DNAH7: variants seen among roughly 807,000 people sequenced by gnomAD.
DNAH7 encodes the protein axonemal beta dynein heavy chain 7.
DNAH7 carries 397 observed loss-of-function variants against 444.6 expected under a neutral mutation model. The observed-to-expected ratio is 0.89, with a 90% CI of 0.82 to 0.97. The LOEUF is 0.97. DNAH7 is among the 50% of genes least tolerant of loss of function. The pLI is 0.00. For synonymous variants in DNAH7, 1,636 were observed against 1,624.4 expected (o/e 1.01, Z -0.17); for missense variants, 4,902 against 4,800.8 (o/e 1.02, Z -0.62).
At position 195,965,779 on chromosome 2, in the gene DNAH7, A is replaced by T. The variant is rs539485863; in HGVS notation, c.2205+4169T>A. 3.8e-4 allele frequency among the ~76,000 whole-genome samples: 58 copies of T among 152,184 alleles called. No homozygotes were observed. The South Asian group carries it at 0.011, about 30-fold the overall frequency. On this transcript the variant is annotated intron_variant, in intron 17 of 64. Coordinates refer to ENST00000312428, the MANE Select transcript of DNAH7 (RefSeq NM_018897.3). ...CAGTTGCTCACAGTAGCCACTATTG[A>T]GCCTTAGAGTTTCTACAGAATTAGT...
chr2:195,930,018 T>C (rs184877617), intron 21 of DNAH7, among the ~76,000 whole-genome samples: 3 of 151,986 alleles, frequency 2.0e-5, no homozygotes, highest in East Asian at 1.9e-4. Context: ...ACTTAAACAA[T>C]TGAACAAGCA....
At chr2:195,989,342 C>A (rs997270277) in intron 12 of DNAH7, among the ~76,000 whole-genome samples, 5 of 152,250 alleles carry the variant, frequency 3.3e-5, no homozygotes, top group African/African-American at 1.2e-4. Context: ...ACATCCTTGT[C>A]AACACATCAT....
chr2:196,064,200 A>G (rs1698290220), intron 1 of DNAH7, among the ~76,000 whole-genome samples: 1 of 151,530 alleles, frequency 6.6e-6, no homozygotes, highest in Non-Finnish European at 1.5e-5. Flanking sequence ...CTGTAGTCCT[A>G]GCTACTCAGG....
intron 21 of DNAH7, among the ~76,000 whole-genome samples, chr2:195,930,006 G>C (rs1037341683): frequency 6.6e-6 from 1 of 152,094 alleles, no homozygotes; most frequent in Non-Finnish European, 1.5e-5. Context: ...ATTCTATAAG[G>C]AACTTAAACA....
chr2:195,770,575 C>T (rs1292746402), intron 61 of DNAH7, among the ~76,000 whole-genome samples: 1 of 152,120 alleles, frequency 6.6e-6, no homozygotes, highest in South Asian at 2.1e-4. Flanking sequence ...CATGGATTGC[C>T]CCTCAACGTA....
Position 195,809,775 on chromosome 2 carries a change from T to G in DNAH7, c.9858A>C (p.Leu3286=), listed in dbSNP as rs148529386. 2.2e-5 allele frequency: 35 copies of G among 1,598,574 alleles called. No homozygotes were observed. The highest frequency in any genetic ancestry group is 2.9e-5 in the Non-Finnish European group (34 of 1,171,950). The change falls in exon 52 of 65, where the codon CTA becomes CTC. Residue 3286 remains leucine (L), a synonymous_variant. Transcript: ENST00000312428. ...GCTCATGCAGCAGTAGATTTATGGT[T>G]AGACAAAAGGAAAAGAGCAGCTTAT... is the stretch of plus-strand genomic sequence containing the variant. ...EKDKLLFSFC[L]TINLLLHERA...
chr2:195,774,610 G>T (rs1376501514), intron 60 of DNAH7, among the ~76,000 whole-genome samples: 2 of 152,202 alleles, frequency 1.3e-5, no homozygotes, highest in Admixed American at 1.3e-4. Flanking sequence ...GCTTGGTTTT[G>T]AGTCCTGATT....
At position 195,853,480 on chromosome 2, in the gene DNAH7, C is replaced by T; in HGVS notation, c.8644G>A (p.Gly2882Ser). The T allele has an allele frequency of 6.2e-7, 1 of 1,613,982 alleles. No homozygotes were observed. The highest frequency in any genetic ancestry group is 8.5e-7 in the Non-Finnish European group (1 of 1,179,944). ...KLERAEQLIG[G>S]LGGEKTRWSH... ...CATCGAGTTTTCTCACCTCCAAGGCCTCCAATCAACTGTTCAGCTCGTTCT... is the reference window on the plus strand; with the variant it reads ...CATCGAGTTTTCTCACCTCCAAGGCTTCCAATCAACTGTTCAGCTCGTTCT... Residue 2882 changes from glycine to serine, a missense_variant, in exon 46 of 65, where the codon GGC (glycine) becomes AGC (serine). Coordinates refer to ENST00000312428, the MANE Select transcript of DNAH7 (RefSeq NM_018897.3).
chr2:196,048,272 A>G (rs1444289064), intron 4 of DNAH7, 24 bp downstream of exon 4: 1 of 1,561,956 alleles, frequency 6.4e-7, no homozygotes, highest in Non-Finnish European at 8.8e-7. Flanking sequence ...CCTTAAATCT[A>G]ATTTAGAATA....
intron 47 of DNAH7, among the ~76,000 whole-genome samples, chr2:195,835,231 T>G (rs567395891): frequency 1.6e-4 from 25 of 152,172 alleles, no homozygotes; most frequent in Non-Finnish European, 3.2e-4. Flanking sequence ...CTAAAGATAC[T>G]GCCACACCCT....
At position 195,834,498 on chromosome 2, in the gene DNAH7, T is replaced by C. The variant is rs567164389; in HGVS notation, c.8946-138A>G. 15 of 965,286 alleles carry C rather than the reference T, an allele frequency of 1.6e-5. No homozygotes were observed. In the East Asian group the frequency reaches 3.2e-4, roughly 21 times the overall value. 59.8% of individuals were successfully genotyped at this position (965,286 alleles called of 1,614,324 possible). A position where few individuals can be genotyped will look rare whatever the true frequency, so the allele number is the denominator to read the frequency against. On this transcript the variant is annotated intron_variant, in intron 47 of 64. Transcript: ENST00000312428. Reference sequence around the variant, plus strand: ...TTACTTTTTAACTTATGAGAAACTATGTTCTTAAAACAGAGACGTGTAGAT... The same window carrying C: ...TTACTTTTTAACTTATGAGAAACTACGTTCTTAAAACAGAGACGTGTAGAT...
intron 19 of DNAH7, among the ~76,000 whole-genome samples, chr2:195,945,340 C>T (rs753183051): frequency 1.3e-5 from 2 of 152,140 alleles, no homozygotes; most frequent in Non-Finnish European, 2.9e-5. Context: ...AGTTCAACAA[C>T]CCATCATGGT....
intron 2 of DNAH7, among the ~76,000 whole-genome samples, chr2:196,054,295 C>T (rs887859366): frequency 2.0e-5 from 3 of 152,066 alleles, no homozygotes; most frequent in Non-Finnish European, 4.4e-5. Flanking sequence ...CAAAGGGGAG[C>T]GGAGTGCTTG....
intron 10 of DNAH7, among the ~76,000 whole-genome samples, chr2:196,006,516 T>A (rs1309262130): frequency 5.3e-5 from 8 of 151,872 alleles, no homozygotes; most frequent in Admixed American, 5.2e-4. Flanking sequence ...CTGCTTCTAT[T>A]CAACATTGTA....
chr2:195,795,536 A>G (rs1279898372), intron 56 of DNAH7, among the ~76,000 whole-genome samples: 1 of 152,234 alleles, frequency 6.6e-6, no homozygotes, highest in Non-Finnish European at 1.5e-5. Flanking sequence ...TGCACCAATA[A>G]AAGTGAAAGA....
chr2:195,746,083 G>T (rs1018031737), intron 63 of DNAH7, among the ~76,000 whole-genome samples: 2 of 152,190 alleles, frequency 1.3e-5, no homozygotes, highest in African/African-American at 4.8e-5. Context: ...AGACCCATCA[G>T]TGTGCTGTAT....
At chr2:195,981,411 C>T (rs751754061) in intron 15 of DNAH7, among the ~76,000 whole-genome samples, 3 of 151,616 alleles carry the variant, frequency 2.0e-5, no homozygotes, top group Non-Finnish European at 4.4e-5. Context: ...TCCATACTAC[C>T]CCAAAAAGCA....
At chr2:195,853,850 C>T (rs1699541951) in intron 45 of DNAH7, among the ~76,000 whole-genome samples, 1 of 152,112 alleles carries the variant, frequency 6.6e-6, no homozygotes, top group Non-Finnish European at 1.5e-5. Context: ...GATATTTTCC[C>T]TCCATTTTAA....
intron 47 of DNAH7, among the ~76,000 whole-genome samples, chr2:195,842,616 T>C (rs112484031): frequency 2.1e-3 from 326 of 152,290 alleles, no homozygotes; most frequent in African/African-American, 7.3e-3. Flanking sequence ...CTTAGTATAG[T>C]TGCTACCACA....
Sources: allele counts gnomAD v4.1 joint callset (sites outside exome capture counted in the v4.1 genomes callset), GRCh38; gene constraint gnomAD v4.1.1; transcripts MANE v1.5; gene names NCBI Gene and HGNC (gene_info 2026-07-23, HGNC 2026-07-21).